The following OXR1 variants were observed in gnomAD, a reference collection of about 807,000 sequenced individuals.
OXR1 encodes the protein oxidation resistance 1.
A neutral mutation model predicts 104.6 loss-of-function variants in OXR1; 41 were observed. That is an observed-to-expected ratio of 0.39 (90% CI 0.31 to 0.51). OXR1 has a LOEUF of 0.51. Ranked by LOEUF, OXR1 falls within the 20% of genes least tolerant of loss-of-function variation. OXR1 has a pLI of 0.77. For synonymous variants in OXR1, 348 were observed against 348.4 expected (o/e 1.00, Z 0.01); for missense variants, 955 against 1,031.9 (o/e 0.93, Z 1.02).
chr8:106,596,703 T>C (rs1411825049), intron 3 of OXR1, among the ~76,000 whole-genome samples: 1 of 152,036 alleles, frequency 6.6e-6, no homozygotes, highest in African/African-American at 2.4e-5. Flanking sequence ...TCCCACTCCA[T>C]AGAGTCAATG....
At chr8:106,740,731 C>T (rs1237734935) in intron 14 of OXR1, among the ~76,000 whole-genome samples, 1 of 152,028 alleles carries the variant, frequency 6.6e-6, no homozygotes, top group Non-Finnish European at 1.5e-5. Flanking sequence ...AACATTTGCA[C>T]ATACCAACAT....
intron 3 of OXR1, among the ~76,000 whole-genome samples, chr8:106,660,237 T>C (rs551792110): frequency 1.3e-5 from 2 of 151,798 alleles, no homozygotes; most frequent in Admixed American, 6.5e-5. Flanking sequence ...TCTTCATATG[T>C]TTCCAGCTAG....
At chr8:106,521,965 A>G (rs552296303) in intron 3 of OXR1, among the ~76,000 whole-genome samples, 1 of 152,302 alleles carries the variant, frequency 6.6e-6, no homozygotes, top group Admixed American at 6.5e-5. Context: ...CTCAGTTTAG[A>G]GTTTATACTC....
intron 2 of OXR1, among the ~76,000 whole-genome samples, chr8:106,434,629 A>G (rs1028074645): frequency 6.6e-6 from 1 of 152,234 alleles, no homozygotes; most frequent in African/African-American, 2.4e-5. Context: ...TCTGAGAGAC[A>G]AAGAAGCTGA....
At chr8:106,311,926 T>C (rs1813717872) in intron 1 of OXR1, among the ~76,000 whole-genome samples, 1 of 152,108 alleles carries the variant, frequency 6.6e-6, no homozygotes, top group African/African-American at 2.4e-5. Context: ...GCCTCTTCTC[T>C]CTGTTATTGT....
At chr8:106,380,320 A>G (rs1045782857) in intron 2 of OXR1, among the ~76,000 whole-genome samples, 1 of 152,162 alleles carries the variant, frequency 6.6e-6, no homozygotes, top group Non-Finnish European at 1.5e-5. Context: ...TAATTTCCAA[A>G]TAATATTCCA....
chr8:106,466,814 A>G (rs1821195062), intron 2 of OXR1, among the ~76,000 whole-genome samples: 1 of 151,956 alleles, frequency 6.6e-6, no homozygotes, highest in Non-Finnish European at 1.5e-5. Context: ...GATATTGAAT[A>G]CATGTAAATA....
chr8:106,458,967 T>C (rs2130641733), intron 2 of OXR1, among the ~76,000 whole-genome samples: 1 of 152,266 alleles, frequency 6.6e-6, no homozygotes, highest in South Asian at 2.1e-4. Context: ...ATGCCTTGAG[T>C]CTCAGCCATA....
At chr8:106,377,233 G>C (rs1449625947) in intron 2 of OXR1, among the ~76,000 whole-genome samples, 1 of 151,990 alleles carries the variant, frequency 6.6e-6, no homozygotes, top group Non-Finnish European at 1.5e-5. Flanking sequence ...GCTCAGGCTA[G>C]AGTACAGTGG....
chr8:106,276,760 A>G (rs1277215420), intron 1 of OXR1, among the ~76,000 whole-genome samples: 1 of 151,698 alleles, frequency 6.6e-6, no homozygotes, highest in Non-Finnish European at 1.5e-5. Flanking sequence ...AGGCAAAAAA[A>G]AAAAAAAAAA....
At chr8:106,415,549 G>C (rs1263173362) in intron 2 of OXR1, among the ~76,000 whole-genome samples, 1 of 148,668 alleles carries the variant, frequency 6.7e-6, no homozygotes, top group African/African-American at 2.5e-5. Flanking sequence ...GCATGCAAGG[G>C]CAGGAGACTG....
At chr8:106,565,348 G>C (rs938716533) in intron 3 of OXR1, among the ~76,000 whole-genome samples, 3 of 152,078 alleles carry the variant, frequency 2.0e-5, no homozygotes, top group African/African-American at 7.2e-5. Flanking sequence ...CAAACAGATG[G>C]CTAAATCATG....
At chr8:106,719,452 A>C (rs1832626403) in intron 11 of OXR1, among the ~76,000 whole-genome samples, 1 of 152,202 alleles carries the variant, frequency 6.6e-6, no homozygotes, top group Non-Finnish European at 1.5e-5. Context: ...AGTTATTCAA[A>C]TGTCATAAAA....
intron 2 of OXR1, among the ~76,000 whole-genome samples, chr8:106,434,180 T>A (rs1267113272): frequency 6.6e-6 from 1 of 152,132 alleles, no homozygotes; most frequent in Non-Finnish European, 1.5e-5. Flanking sequence ...ATGATTAAAT[T>A]ATTTGTTCTG....
At chr8:106,587,390 G>A (rs561013702) in intron 3 of OXR1, among the ~76,000 whole-genome samples, 6 of 152,268 alleles carry the variant, frequency 3.9e-5, no homozygotes, top group African/African-American at 1.2e-4. Flanking sequence ...TAGGAGAGTA[G>A]GAGAGTGAAT....
chr8:106,299,095 G>T (rs2130079027), intron 1 of OXR1, among the ~76,000 whole-genome samples: 1 of 152,148 alleles, frequency 6.6e-6, no homozygotes, highest in South Asian at 2.1e-4. Context: ...GACCACAAAA[G>T]TTCATTGCTC....
At chr8:106,541,230 G>C (rs956121483) in intron 3 of OXR1, among the ~76,000 whole-genome samples, 2 of 152,142 alleles carry the variant, frequency 1.3e-5, no homozygotes, top group Non-Finnish European at 2.9e-5. Context: ...GATAATTCAT[G>C]TTTTAAAACA....
At chr8:106,349,069 A>G (rs940984959) in intron 1 of OXR1, among the ~76,000 whole-genome samples, 2 of 152,218 alleles carry the variant, frequency 1.3e-5, no homozygotes, top group African/African-American at 4.8e-5. Context: ...ACTGTGTACC[A>G]GGAACACCAG....
At position 106,398,718 on chromosome 8, in the gene OXR1, A is replaced by G. The variant is rs538560922; in HGVS notation, c.23+39082A>G. On this transcript the variant is annotated intron_variant, in intron 2 of 16. Transcript: ENST00000517566. The stretch of plus-strand genomic sequence containing the variant: ...TCTTCCCTTCTTGGGAATGTGTTCA[A>G]GGGGGTTTGAGTAGCAGCAATTGCT... Among the ~76,000 whole-genome samples, 7 of 152,266 alleles carry G rather than the reference A, an allele frequency of 4.6e-5. No individual in the cohort carries two copies. In the South Asian group the frequency reaches 1.5e-3, roughly 32 times the overall value.
Sources: gnomAD v4.1 joint callset for allele counts (sites outside exome capture counted in the v4.1 genomes callset) on GRCh38, gnomAD v4.1.1 for gene constraint, MANE v1.5 for transcripts, NCBI Gene and HGNC (gene_info 2026-07-23, HGNC 2026-07-21) for gene names.